The following C1orf87 variants were observed in gnomAD, a reference collection of about 807,000 sequenced individuals.
C1orf87 encodes the protein chromosome 1 open reading frame 87.
A neutral mutation model predicts 60.5 loss-of-function variants in C1orf87; 58 were observed. The observed-to-expected ratio is 0.96, with a 90% CI of 0.78 to 1.19. The LOEUF is 1.19. Ranked by LOEUF, C1orf87 falls within the 50% of genes most tolerant of loss-of-function variation. The probability of loss-of-function intolerance (pLI) is 0.00; values close to 1 mark genes in which losing one functional copy is unlikely to be tolerated. For synonymous variants in C1orf87, 236 were observed against 227.4 expected, an observed-to-expected ratio of 1.04 and a Z score of -0.34; for missense variants, 673 against 638.6, an observed-to-expected ratio of 1.05 and a Z score of -0.58.
intron 8 of C1orf87, among the ~76,000 whole-genome samples, chr1:60,024,611 C>G (rs1335534423): frequency 1.3e-5 from 2 of 152,138 alleles, no homozygotes; most frequent in Non-Finnish European, 2.9e-5. Context: ...CACTTCTCTA[C>G]TCCTCTGTGC....
chr1:60,017,817 AT>A (rs1436741410), intron 8 of C1orf87, among the ~76,000 whole-genome samples: 2 of 152,162 alleles, frequency 1.3e-5, no homozygotes, highest in Non-Finnish European at 2.9e-5. Context: ...TCATTCACTA[AT>A]GTCTCTGCTA....
rs377453489 is a variant in C1orf87 at position 60,033,751 on chromosome 1, C to A, written c.864-110G>T. 8 of 1,263,098 alleles carry A rather than the reference C, an allele frequency of 6.3e-6. No homozygotes were observed. The East Asian group carries it at 1.4e-4, about 22-fold the overall frequency. 78.2% of individuals were successfully genotyped at this position (1,263,098 alleles called of 1,614,324 possible). ...TGCTACACACTATGGAACCAGAGAG[C>A]CCATCTACGTAGGCCCTCTCAGTCT... On this transcript the variant is annotated intron_variant, in intron 6 of 11. Coordinates refer to ENST00000371201, the MANE Select transcript of C1orf87 (RefSeq NM_152377.3).
chr1:60,022,828 GTCAA>G (rs570822205), intron 8 of C1orf87, among the ~76,000 whole-genome samples: 211 of 152,252 alleles, frequency 1.4e-3, no homozygotes, highest in African/African-American at 4.8e-3. Flanking sequence ...TACCATGACA[GTCAA>G]TCTGATAACC....
At chr1:59,995,473 T>C (rs1644957655) in intron 11 of C1orf87, among the ~76,000 whole-genome samples, 1 of 152,216 alleles carries the variant, frequency 6.6e-6, no homozygotes, top group Non-Finnish European at 1.5e-5. Context: ...TTCTCAACTT[T>C]ACTGTATGTC....
chr1:60,014,193 C>A (rs78346796), intron 8 of C1orf87, among the ~76,000 whole-genome samples: 4,160 of 152,158 alleles, frequency 0.027, 89 homozygotes, highest in Admixed American at 0.067. Context: ...TGTGGGGAAC[C>A]AGAGTGCTCG....
intron 7 of C1orf87, among the ~76,000 whole-genome samples, chr1:60,031,952 A>G (rs1215817244): frequency 6.6e-6 from 1 of 151,300 alleles, no homozygotes; most frequent in East Asian, 1.9e-4. Context: ...TCTCTTTCTC[A>G]TGAAATATGC....
chr1:60,045,195 T>C (rs1424012128), intron 3 of C1orf87, among the ~76,000 whole-genome samples: 3 of 152,182 alleles, frequency 2.0e-5, no homozygotes, highest in Non-Finnish European at 4.4e-5. Flanking sequence ...TTAAACAATT[T>C]AGACCAAGGT....
intron 9 of C1orf87, among the ~76,000 whole-genome samples, chr1:60,005,821 T>TC (rs1553125588): frequency 9.3e-5 from 14 of 149,994 alleles, no homozygotes; most frequent in African/African-American, 3.5e-4. Context: ...TTTTTTTTTT[T>TC]CCTCTGGTGA....
intron 11 of C1orf87, among the ~76,000 whole-genome samples, chr1:59,992,482 T>A (rs1022472869): frequency 1.3e-5 from 2 of 152,086 alleles, no homozygotes; most frequent in Non-Finnish European, 2.9e-5. Context: ...CTGGAACTCC[T>A]GAGCTCAAGC....
chr1:60,031,696 G>A (rs1481929928), intron 7 of C1orf87, among the ~76,000 whole-genome samples: 1 of 152,118 alleles, frequency 6.6e-6, no homozygotes, highest in East Asian at 1.9e-4. Context: ...TTGGGACCCA[G>A]ATTTGCCAGT....
intron 10 of C1orf87, among the ~76,000 whole-genome samples, chr1:59,999,036 C>A (rs1303259938): frequency 6.6e-6 from 1 of 152,088 alleles, no homozygotes; most frequent in Admixed American, 6.6e-5. Flanking sequence ...CATCTGTGTT[C>A]CCCCAACTTT....
chr1:60,009,522 A>C (rs1013664304), intron 9 of C1orf87, among the ~76,000 whole-genome samples: 1 of 151,998 alleles, frequency 6.6e-6, no homozygotes, highest in African/African-American at 2.4e-5. Flanking sequence ...AGCTTTGGAT[A>C]CTTACATAAC....
In C1orf87 at chr1:60,061,797, AAAAAAT is replaced by A. The variant is rs1375421768; in HGVS notation, c.108-6365_108-6360del. 2.0e-5 allele frequency among the ~76,000 whole-genome samples: 3 copies of A among 150,642 alleles called. 1 individual carries two copies. The highest frequency in any genetic ancestry group is 1.3e-4 in the Admixed American group (2 of 15,114). On this transcript the variant is annotated intron_variant, in intron 2 of 11. Coordinates refer to ENST00000371201, the MANE Select transcript of C1orf87 (RefSeq NM_152377.3). ...CTACCAAAAAAAAAAAAAAAAAAAA[AAAAAAT>A]AGCTGGGCTTTGTGGTGCACACCTG...
In C1orf87 at chr1:60,064,639, TGATATATTTTATATATTAAATATATA is replaced by T. The variant is rs1645524005; in HGVS notation, c.107+7872_107+7897del. On this transcript the variant is annotated intron_variant, in intron 2 of 11. Transcript: ENST00000371201. ...AATATATCATATATATAAATATATATGATATATTTTATATATTAAATATATAATTATATATAAATATATATTTATAT... is the reference window on the plus strand; with the variant it reads ...AATATATCATATATATAAATATATATATTATATATAAATATATATTTATAT... Among the ~76,000 whole-genome samples the T allele has an allele frequency of 3.6e-5, 4 of 111,234 alleles. No individual in the cohort carries two copies. In the South Asian group the frequency reaches 9.8e-4, roughly 27 times the overall value. 73.0% of individuals were successfully genotyped at this position (111,234 alleles called of 152,430 possible). A position where few individuals can be genotyped will look rare whatever the true frequency, so the allele number is the denominator to read the frequency against.
chr1:60,064,825 ATAT>A (rs1401400354), intron 2 of C1orf87, among the ~76,000 whole-genome samples: 4 of 93,440 alleles, frequency 4.3e-5, no homozygotes, highest in Non-Finnish European at 7.5e-5. Context: ...ATATAAATAT[ATAT>A]TAAATATATA....
intron 3 of C1orf87, among the ~76,000 whole-genome samples, chr1:60,042,635 G>T (rs763085614): frequency 8.1e-6 from 1 of 123,454 alleles, no homozygotes; most frequent in African/African-American, 3.2e-5. Context: ...TGGGTGTCCT[G>T]CTCATGTCAT....
chr1:60,045,705 C>T (rs1242470770), intron 3 of C1orf87, among the ~76,000 whole-genome samples: 1 of 152,164 alleles, frequency 6.6e-6, no homozygotes, highest in Admixed American at 6.5e-5. Context: ...GGGCCAGAAG[C>T]CTCAGCTTCC....
rs1645247947 is a variant in C1orf87, at chr1:60,032,725, A to G, written c.1029+751T>C. 2.6e-5 allele frequency among the ~76,000 whole-genome samples: 4 copies of G among 152,118 alleles called. No homozygotes were observed. In the South Asian group the frequency reaches 6.2e-4, roughly 24 times the overall value. ...AAGTGCTGGGTTACAGGCATGAGCCACCACGCCTGGCGAGACTCAGTTTTA... is the reference window on the plus strand; with the variant it reads ...AAGTGCTGGGTTACAGGCATGAGCCGCCACGCCTGGCGAGACTCAGTTTTA... On this transcript the variant is annotated intron_variant, in intron 7 of 11. Transcript: ENST00000371201.
At chr1:60,064,912 A>G (rs1424959994) in intron 2 of C1orf87, among the ~76,000 whole-genome samples, 10 of 95,192 alleles carry the variant, frequency 1.1e-4, no homozygotes, top group African/African-American at 4.3e-4. Context: ...AATATATAAT[A>G]TTTTATATTA....
Sources: allele counts gnomAD v4.1 joint callset (sites outside exome capture counted in the v4.1 genomes callset), GRCh38; gene constraint gnomAD v4.1.1; transcripts MANE v1.5; gene names NCBI Gene and HGNC (gene_info 2026-07-23, HGNC 2026-07-21).